The following ANKRD11 variants were observed in gnomAD, a reference collection of about 807,000 sequenced individuals.
ANKRD11 encodes the protein ankyrin repeat domain 11, also known as ankyrin repeat domain-containing protein 11.
In ANKRD11, 17 loss-of-function variants were observed where a neutral mutation model predicts 195.7. That is an observed-to-expected ratio of 0.09 (90% CI 0.06 to 0.13). The LOEUF is 0.13. Ranked by LOEUF, ANKRD11 falls within the 10% of genes least tolerant of loss-of-function variation. The probability of loss-of-function intolerance (pLI) is 1.00; values close to 1 mark genes in which losing one functional copy is unlikely to be tolerated. For synonymous variants in ANKRD11, 1,953 were observed against 1,528.1 expected (o/e 1.28, Z -6.49); for missense variants, 3,735 against 3,566.1 (o/e 1.05, Z -1.21).
At chr16:89,316,858 C>G in intron 3 of ANKRD11, 75 bp downstream of exon 3, 1 of 1,534,070 alleles carries the variant, frequency 6.5e-7, no homozygotes, top group Non-Finnish European at 8.9e-7. Context: ...AGGCCACAGG[C>G]GGGCAGCACC....
intron 11 of ANKRD11, chr16:89,271,683 TG>T (rs1367370167): frequency 2.0e-5 from 3 of 152,826 alleles, no homozygotes; most frequent in African/African-American, 7.2e-5. Context: ...CTGGGAAAAC[TG>T]GCTACGCATC....
intron 4 of ANKRD11, among the ~76,000 whole-genome samples, chr16:89,293,663 G>A (rs796096403): frequency 6.9e-6 from 1 of 144,770 alleles, no homozygotes; most frequent in Admixed American, 6.8e-5. Context: ...GGGTGGTATT[G>A]GGGCTGCAGA....
intron 1 of ANKRD11, among the ~76,000 whole-genome samples, chr16:89,472,363 A>G (rs553985357): frequency 6.6e-6 from 1 of 152,302 alleles, no homozygotes; most frequent in East Asian, 1.9e-4. Context: ...GGAGATCTGC[A>G]CATTTACTAA....
chr16:89,483,417 T>C (rs1000900479), intron 1 of ANKRD11, among the ~76,000 whole-genome samples: 2 of 152,254 alleles, frequency 1.3e-5, no homozygotes, highest in African/African-American at 4.8e-5. Context: ...TGAATATGCT[T>C]AACATTTTAC....
chr16:89,425,060 A>G lies in ANKRD11; in HGVS notation c.-144-6692T>C, dbSNP rs1453539886. Among the ~76,000 whole-genome samples, 6 of 152,082 alleles carry G rather than the reference A, an allele frequency of 3.9e-5. No homozygotes were observed. The South Asian group carries it at 1.2e-3, about 31-fold the overall frequency. On this transcript the variant is annotated intron_variant, in intron 1 of 12. Coordinates refer to ENST00000301030, the MANE Select transcript of ANKRD11 (RefSeq NM_013275.6). ...AGGGCTCTCAAGGATTTCTTACAAC[A>G]AAACACAAGCTCAAACTATTTAAAA... is the stretch of plus-strand genomic sequence containing the variant.
At chr16:89,343,229 G>C (rs2038775795) in intron 2 of ANKRD11, among the ~76,000 whole-genome samples, 1 of 152,190 alleles carries the variant, frequency 6.6e-6, no homozygotes, top group African/African-American at 2.4e-5. Context: ...GACCTCAAGA[G>C]TGATCCACCC....
In ANKRD11 at chr16:89,290,757, T is replaced by G; in HGVS notation, c.469A>C (p.Thr157Pro). The change falls in exon 6 of 13, where the codon ACC (threonine) becomes CCC (proline). Residue 157 changes from threonine to proline, a missense_variant. Transcript: ENST00000301030. ...TTTCTCTTGTTCACTTTATCTTTGGTTTTTGAGGCAGAGTTGGGCGTTCCC... is the reference window on the plus strand; with the variant it reads ...TTTCTCTTGTTCACTTTATCTTTGGGTTTTGAGGCAGAGTTGGGCGTTCCC... ...QKGTPNSASK[T>P]KDKVNKRNER... is the part of the protein sequence containing the mutation. 6.2e-7 allele frequency: 1 copy of G among 1,613,974 alleles called. No homozygotes were observed. Among genetic ancestry groups the G allele is most frequent in the Non-Finnish European group, 8.5e-7 (1 of 1,179,972 alleles).
At chr16:89,315,377 G>C (rs912930514) in intron 3 of ANKRD11, among the ~76,000 whole-genome samples, 2 of 152,150 alleles carry the variant, frequency 1.3e-5, no homozygotes, top group Admixed American at 6.5e-5. Flanking sequence ...AGCCACAGAA[G>C]AGCAGGGACC....
intron 3 of ANKRD11, among the ~76,000 whole-genome samples, chr16:89,315,765 G>A (rs190454203): frequency 2.6e-5 from 4 of 152,322 alleles, no homozygotes; most frequent in Non-Finnish European, 4.4e-5. Context: ...AATGCTTCAC[G>A]ATTCACCAAA....
At chr16:89,347,309 C>T (rs984518340) in intron 2 of ANKRD11, among the ~76,000 whole-genome samples, 12 of 152,156 alleles carry the variant, frequency 7.9e-5, no homozygotes, top group African/African-American at 2.9e-4. Flanking sequence ...AACATGTACA[C>T]ATAAAAAGAG....
intron 2 of ANKRD11, among the ~76,000 whole-genome samples, chr16:89,376,878 G>A (rs2040445501): frequency 1.3e-5 from 2 of 152,232 alleles, no homozygotes; most frequent in Non-Finnish European, 2.9e-5. Flanking sequence ...ACTGTTTTGT[G>A]CAAATGCAGT....
chr16:89,301,090 T>G (rs4785656), intron 4 of ANKRD11: 64,692 of 532,396 alleles, frequency 0.12, 5,177 homozygotes, highest in East Asian at 0.34. Context: ...CATTCGCTGG[T>G]TGACTGATTA....
At chr16:89,401,419 G>T (rs893398901) in intron 2 of ANKRD11, among the ~76,000 whole-genome samples, 2 of 152,046 alleles carry the variant, frequency 1.3e-5, no homozygotes, top group African/African-American at 4.8e-5. Flanking sequence ...TATCACGCTG[G>T]GATAATGGGA....
chr16:89,304,555 CGGGCACACACATACAT>C (rs1165467890), intron 4 of ANKRD11, among the ~76,000 whole-genome samples: 1 of 151,490 alleles, frequency 6.6e-6, no homozygotes, highest in Non-Finnish European at 1.5e-5. Context: ...AGCACATACA[CGGGCACACACATACAT>C]GGGTACATAC....
intron 2 of ANKRD11, among the ~76,000 whole-genome samples, chr16:89,371,498 G>T (rs1204373487): frequency 2.0e-5 from 3 of 151,940 alleles, no homozygotes; most frequent in Non-Finnish European, 4.4e-5. Context: ...CAGGCTATGT[G>T]GTCTGTAGTC....
intron 2 of ANKRD11, among the ~76,000 whole-genome samples, chr16:89,382,806 G>A (rs994760367): frequency 6.6e-6 from 1 of 152,104 alleles, no homozygotes. Context: ...CCACCACCTT[G>A]ACATCATATC....
At chr16:89,409,065 A>T (rs987359317) in intron 2 of ANKRD11, among the ~76,000 whole-genome samples, 1 of 152,214 alleles carries the variant, frequency 6.6e-6, no homozygotes, top group African/African-American at 2.4e-5. Flanking sequence ...CACCTGCACA[A>T]AAGGCCAGAG....
At chr16:89,484,348 A>G (rs2057537239) in intron 1 of ANKRD11, among the ~76,000 whole-genome samples, 1 of 152,242 alleles carries the variant, frequency 6.6e-6, no homozygotes, top group South Asian at 2.1e-4. Context: ...TCTATTTTAG[A>G]TAAGTTTAAA....
At chr16:89,350,608 G>A (rs959864759) in intron 2 of ANKRD11, among the ~76,000 whole-genome samples, 5 of 152,160 alleles carry the variant, frequency 3.3e-5, no homozygotes, top group East Asian at 1.9e-4. Flanking sequence ...TACAGTGACC[G>A]AAAGCACATC....
Sources: gnomAD v4.1 joint callset for allele counts (sites outside exome capture counted in the v4.1 genomes callset) on GRCh38, gnomAD v4.1.1 for gene constraint, MANE v1.5 for transcripts, NCBI Gene and HGNC (gene_info 2026-07-23, HGNC 2026-07-21) for gene names.